The following TMEM268 variants were observed in gnomAD, a reference collection of about 807,000 sequenced individuals.
TMEM268 encodes transmembrane protein C9orf91.
TMEM268 carries 24 observed loss-of-function variants against 39.1 expected under a neutral mutation model. That is an observed-to-expected ratio of 0.61 (90% confidence interval 0.44 to 0.86). The LOEUF (loss-of-function observed/expected upper bound fraction) is 0.86, where lower values mean the gene tolerates loss of function less well. TMEM268 is among the 40% of genes least tolerant of loss of function. The pLI is 0.00. For synonymous variants in TMEM268, 176 were observed against 173.5 expected (o/e 1.01, Z -0.12); for missense variants, 409 against 428.6 (o/e 0.95, Z 0.40).
Position 114,619,322 on chromosome 9 carries a change from G to C in TMEM268, c.106+2021G>C, listed in dbSNP as rs13291621. On this transcript the variant is annotated intron_variant, in intron 2 of 8. Coordinates refer to ENST00000288502, the MANE Select transcript of TMEM268 (RefSeq NM_153045.4). ...ACACACACACACACACACACACACA[G>C]ACACACACATTTTTCTTTGGTAGCT... Among the ~76,000 whole-genome samples, 58 of 129,460 alleles carry C rather than the reference G, an allele frequency of 4.5e-4. 2 individuals carry two copies. Among genetic ancestry groups the C allele is most frequent in the Non-Finnish European group, 1.4e-4 (8 of 59,078 alleles). 84.9% of individuals were successfully genotyped at this position (129,460 alleles called of 152,430 possible).
intron 3 of TMEM268, 44 bp from the exon 4 acceptor site, chr9:114,626,855 G>A: frequency 6.9e-7 from 1 of 1,441,286 alleles, no homozygotes; most frequent in Non-Finnish European, 9.7e-7. Flanking sequence ...CTGGAAACTG[G>A]CTGTCCTGCG....
At chr9:114,619,388 G>A (rs1190929925) in intron 2 of TMEM268, among the ~76,000 whole-genome samples, 1 of 152,156 alleles carries the variant, frequency 6.6e-6, no homozygotes, top group East Asian at 1.9e-4. Context: ...TTTAAGCGGA[G>A]GACTTGCTGT....
intron 6 of TMEM268, among the ~76,000 whole-genome samples, chr9:114,636,644 G>C (rs749647440): frequency 2.6e-5 from 4 of 152,062 alleles, no homozygotes; most frequent in Non-Finnish European, 5.9e-5. Flanking sequence ...GGGATTACAG[G>C]TGTCCACCAC....
chr9:114,609,384 A>C (rs1376374494), upstream of TMEM268, among the ~76,000 whole-genome samples: 1 of 152,110 alleles, frequency 6.6e-6, no homozygotes, highest in African/African-American at 2.4e-5. Flanking sequence ...ACTTATAGAA[A>C]TGGGCCAGGC....
intron 5 of TMEM268, 48 bp from the exon 6 acceptor site, chr9:114,633,720 C>T: frequency 9.4e-7 from 1 of 1,063,150 alleles, no homozygotes; most frequent in Non-Finnish European, 1.4e-6. Flanking sequence ...CCTGGGAGCT[C>T]CCCAGTAGCA....
intron 4 of TMEM268, among the ~76,000 whole-genome samples, 168 bp from the exon 5 acceptor site, chr9:114,627,933 T>A (rs948745008): frequency 1.3e-5 from 2 of 152,222 alleles, no homozygotes; most frequent in Non-Finnish European, 2.9e-5. Flanking sequence ...CAAGGAACAT[T>A]AGCTCATTCT....
intron 2 of TMEM268, among the ~76,000 whole-genome samples, chr9:114,623,858 A>C (rs1846043647): frequency 6.6e-6 from 1 of 152,168 alleles, no homozygotes. Context: ...GGGTGTGGAC[A>C]TCTTTGGGGC....
intron 8 of TMEM268, among the ~76,000 whole-genome samples, chr9:114,642,066 G>A (rs148700190): frequency 6.6e-6 from 1 of 152,034 alleles, no homozygotes; most frequent in Non-Finnish European, 1.5e-5. Flanking sequence ...ACCATTTTAA[G>A]TATATAGTTC....
chr9:114,639,939 G>A (rs943752194), intron 8 of TMEM268, among the ~76,000 whole-genome samples: 4 of 149,712 alleles, frequency 2.7e-5, no homozygotes, highest in African/African-American at 7.3e-5. Context: ...ATTTAGAGAC[G>A]GGGTTTTACC....
At chr9:114,631,225 C>T (rs1564294872) in intron 5 of TMEM268, among the ~76,000 whole-genome samples, 2 of 148,200 alleles carry the variant, frequency 1.3e-5, no homozygotes, top group Non-Finnish European at 3.0e-5. Flanking sequence ...ATTGCTTGAG[C>T]CTAGGAGTTC....
chr9:114,608,284 A>G (rs950688802), upstream of TMEM268, among the ~76,000 whole-genome samples: 18 of 152,170 alleles, frequency 1.2e-4, no homozygotes, highest in African/African-American at 4.1e-4. Flanking sequence ...AATTCTTGCA[A>G]TCTCCCAGAT....
chr9:114,607,287 G>T (rs143262817), upstream of TMEM268, among the ~76,000 whole-genome samples: 1 of 152,170 alleles, frequency 6.6e-6, no homozygotes, highest in Non-Finnish European at 1.5e-5. Context: ...TGCCCAAAAG[G>T]CTTACTCTCT....
chr9:114,623,094 AAAC>A (rs200137316), intron 2 of TMEM268, among the ~76,000 whole-genome samples: 11,885 of 151,692 alleles, frequency 0.078, 637 homozygotes, highest in African/African-American at 0.14. Flanking sequence ...TGTCTCCAAA[AAAC>A]AACAACAACA....
intron 2 of TMEM268, 107 bp from the exon 3 acceptor site, chr9:114,624,243 G>A (rs946986055): frequency 1.3e-6 from 2 of 1,501,862 alleles, no homozygotes; most frequent in Non-Finnish European, 1.8e-6. Context: ...TCCTTGTTGC[G>A]AGGAGGTTCT....
rs755987374 is a variant in TMEM268, at chr9:114,628,088, T to C, written c.325-13T>C. ...GAAGTTCCTGACCATGCTCTCTGTC[T>C]GGCATCTTGCAGGTTTTCTATGTGG... On this transcript the variant is annotated splice_polypyrimidine_tract_variant and intron_variant, in intron 4 of 8. Coordinates refer to ENST00000288502, the MANE Select transcript of TMEM268 (RefSeq NM_153045.4). 7 of 1,612,310 alleles carry C rather than the reference T, an allele frequency of 4.3e-6. No individual in the cohort carries two copies. Among genetic ancestry groups the C allele is most frequent in the South Asian group, 2.2e-5 (2 of 91,062 alleles).
chr9:114,624,310 G>T (rs1846067711), intron 2 of TMEM268, 40 bp from the exon 3 acceptor site: 4 of 1,562,522 alleles, frequency 2.6e-6, no homozygotes, highest in South Asian at 2.3e-5. Context: ...GCCTGGTATG[G>T]TTATCACTCA....
chr9:114,612,058 C>G (rs1332343488), intron 1 of TMEM268, among the ~76,000 whole-genome samples: 2 of 152,216 alleles, frequency 1.3e-5, no homozygotes, highest in African/African-American at 4.8e-5. Flanking sequence ...AGAGCTCGGA[C>G]TCATTGTGTC....
chr9:114,626,535 G>GA (rs1175662743), intron 3 of TMEM268, among the ~76,000 whole-genome samples: 1 of 152,172 alleles, frequency 6.6e-6, no homozygotes, highest in African/African-American at 2.4e-5. Context: ...TTTTACAGAG[G>GA]AAAAAACAGG....
intron 1 of TMEM268, among the ~76,000 whole-genome samples, chr9:114,616,627 A>G (rs181726089): frequency 2.7e-5 from 4 of 150,354 alleles, no homozygotes; most frequent in Admixed American, 2.7e-4. Context: ...CAGCCTCCCA[A>G]AGTGCTGGGA....
Sources: gnomAD v4.1 joint callset for allele counts (sites outside exome capture counted in the v4.1 genomes callset) on GRCh38, gnomAD v4.1.1 for gene constraint, MANE v1.5 for transcripts, NCBI Gene and HGNC (gene_info 2026-07-23, HGNC 2026-07-21) for gene names.